Variants in SRSF11 observed in about 807,000 individuals in gnomAD.
SRSF11 encodes serine/arginine-rich splicing factor 11.
In SRSF11, 9 loss-of-function variants were observed where a neutral mutation model predicts 56.0. The observed-to-expected ratio is 0.16, with a 90% CI of 0.10 to 0.28. The LOEUF (loss-of-function observed/expected upper bound fraction) is 0.28, where lower values mean the gene tolerates loss of function less well. Among genes scored for constraint, SRSF11 ranks in the 10% least tolerant of loss-of-function variants. The probability of loss-of-function intolerance (pLI) is 1.00; values close to 1 mark genes in which losing one functional copy is unlikely to be tolerated. For synonymous variants in SRSF11, 222 were observed against 215.3 expected (o/e 1.03, Z -0.27); for missense variants, 421 against 600.7 (o/e 0.70, Z 3.13).
intron 2 of SRSF11, chr1:70,231,068 T>C (rs1672769608): frequency 1.6e-6 from 2 of 1,289,556 alleles, no homozygotes; most frequent in Admixed American, 4.6e-5. Context: ...AACAGTGGTT[T>C]TTCTTTTTTG....
At chr1:70,226,733 T>A (rs1671866531) in intron 1 of SRSF11, among the ~76,000 whole-genome samples, 1 of 152,198 alleles carries the variant, frequency 6.6e-6, no homozygotes, top group Non-Finnish European at 1.5e-5. Context: ...TGCCATAGCT[T>A]ACTAAACCTG....
rs748057896 is a variant in SRSF11 at position 70,246,801 on chromosome 1, T to C, written c.933-17T>C. 2.5e-6 allele frequency: 4 copies of C among 1,572,480 alleles called. No individual in the cohort carries two copies. Among genetic ancestry groups the C allele is most frequent in the South Asian group, 1.2e-5 (1 of 86,850 alleles). On this transcript the variant is annotated splice_polypyrimidine_tract_variant and intron_variant, in intron 8 of 11. Transcript: ENST00000370949. ...CTGAGTCTTCTAATGCATTCATAAA[T>C]TGTGTTCATTTGTTAGAGACAAAAA...
chr1:70,229,072 T>G, intron 2 of SRSF11: 1 of 1,104,856 alleles, frequency 9.1e-7, no homozygotes, highest in Non-Finnish European at 1.1e-6. Context: ...AGTTCAAGAT[T>G]TCCTGTAGCT....
chr1:70,240,834 G>C lies in SRSF11; in HGVS notation c.800+1314G>C, dbSNP rs141639523. 9.2e-3 allele frequency among the ~76,000 whole-genome samples: 1,338 copies of C among 144,906 alleles called. 16 individuals carry two copies. The highest frequency in any genetic ancestry group is 0.03 in the African/African-American group (1,177 of 38,800). On this transcript the variant is annotated intron_variant, in intron 7 of 11. Coordinates refer to ENST00000370949, the MANE Select transcript of SRSF11 (RefSeq NM_001350605.2). Reference sequence around the variant, plus strand: ...CTTGTTGCCCAGCCTGGAGTGCAATGGCACGATCTTGGCTCACCACAACTT... The same window carrying C: ...CTTGTTGCCCAGCCTGGAGTGCAATCGCACGATCTTGGCTCACCACAACTT...
intron 1 of SRSF11, among the ~76,000 whole-genome samples, chr1:70,211,375 A>G (rs151065123): frequency 1.6e-3 from 242 of 152,126 alleles, no homozygotes; most frequent in African/African-American, 5.5e-3. Context: ...TTGCAATTTC[A>G]TTTACTTTAA....
At chr1:70,224,956 T>C (rs1671453693) in intron 1 of SRSF11, among the ~76,000 whole-genome samples, 1 of 152,254 alleles carries the variant, frequency 6.6e-6, no homozygotes, top group African/African-American at 2.4e-5. Context: ...TTTTTGACCC[T>C]GTTTTACAAG....
chr1:70,240,010 C>A (rs1278834670), intron 7 of SRSF11, among the ~76,000 whole-genome samples: 1 of 152,066 alleles, frequency 6.6e-6, no homozygotes, highest in Non-Finnish European at 1.5e-5. Context: ...ATTTATTTTT[C>A]AAAAAATTGT....
intron 2 of SRSF11, chr1:70,228,921 G>A (rs1672370499): frequency 1.0e-6 from 1 of 984,002 alleles, no homozygotes; most frequent in Non-Finnish European, 1.2e-6. Flanking sequence ...TCAAATAAAT[G>A]CATGATGTTA....
At chr1:70,226,108 T>C (rs1671719916) in intron 1 of SRSF11, among the ~76,000 whole-genome samples, 1 of 151,870 alleles carries the variant, frequency 6.6e-6, no homozygotes, top group Admixed American at 6.6e-5. Context: ...GGAGAATCGC[T>C]TGAACCTGGG....
chr1:70,232,509 T>A (rs1673032023), intron 3 of SRSF11, 132 bp downstream of exon 3: 3 of 646,456 alleles, frequency 4.6e-6, no homozygotes, highest in Admixed American at 6.3e-5. Context: ...TATATCAAAA[T>A]CACAAATAGT....
chr1:70,226,903 C>G (rs1671904276), intron 1 of SRSF11, among the ~76,000 whole-genome samples: 1 of 152,200 alleles, frequency 6.6e-6, no homozygotes, highest in Non-Finnish European at 1.5e-5. Flanking sequence ...AATTTTATAG[C>G]AGCAGTGTTT....
chr1:70,240,701 GA>G (rs1558209103), intron 7 of SRSF11, among the ~76,000 whole-genome samples: 1 of 151,308 alleles, frequency 6.6e-6, no homozygotes, highest in Non-Finnish European at 1.5e-5. Flanking sequence ...TCAGAACTAG[GA>G]TATTCCAGTT....
intron 1 of SRSF11, among the ~76,000 whole-genome samples, chr1:70,214,290 T>C (rs1327550055): frequency 6.6e-6 from 1 of 152,162 alleles, no homozygotes; most frequent in Non-Finnish European, 1.5e-5. Context: ...TATTGAGAAA[T>C]CAGTGTCTGG....
At chr1:70,231,715 T>A in intron 2 of SRSF11, 1 of 1,207,632 alleles carries the variant, frequency 8.3e-7, no homozygotes, top group Non-Finnish European at 1.1e-6. Context: ...ACAGAATATT[T>A]CCTTTACATA....
At chr1:70,232,556 T>A (rs1673043552) in intron 3 of SRSF11, among the ~76,000 whole-genome samples, 179 bp downstream of exon 3, 1 of 152,216 alleles carries the variant, frequency 6.6e-6, no homozygotes, top group Non-Finnish European at 1.5e-5. Context: ...TTTAAGAACA[T>A]TCTGAAAAAT....
intron 2 of SRSF11, chr1:70,230,867 T>G (rs748056105): frequency 3.6e-5 from 42 of 1,176,052 alleles, no homozygotes; most frequent in Non-Finnish European, 4.5e-5. Context: ...CCATAATCTT[T>G]GTAGGTTTGT....
intron 5 of SRSF11, 32 bp downstream of exon 5, chr1:70,235,582 TGTG>T: frequency 1.3e-6 from 2 of 1,599,422 alleles, no homozygotes; most frequent in Non-Finnish European, 1.7e-6. Flanking sequence ...TCATTGGTGA[TGTG>T]GTATCTGAAT....
chr1:70,237,607 C>T, intron 6 of SRSF11, 55 bp downstream of exon 6: 2 of 1,597,196 alleles, frequency 1.3e-6, no homozygotes, highest in South Asian at 1.1e-5. Context: ...ATGATTTTGA[C>T]ATAAATGTGG....
At chr1:70,230,334 C>T (rs974912435) in intron 2 of SRSF11, 2 of 1,047,122 alleles carry the variant, frequency 1.9e-6, no homozygotes, top group African/African-American at 1.7e-5. Flanking sequence ...AAATACAATT[C>T]CCTCCAGATT....
Sources: gnomAD v4.1 joint callset for allele counts (sites outside exome capture counted in the v4.1 genomes callset) on GRCh38, gnomAD v4.1.1 for gene constraint, MANE v1.5 for transcripts, NCBI Gene and HGNC (gene_info 2026-07-23, HGNC 2026-07-21) for gene names.